The following DOCK1 variants were observed in gnomAD, a reference collection of about 807,000 sequenced individuals.
The protein encoded by DOCK1 is dedicator of cytokinesis protein 1.
Under a neutral mutation model 262.7 loss-of-function variants are expected in DOCK1, and 138 were observed. The ratio of observed to expected loss-of-function variants is 0.53; its 90% CI spans 0.46 to 0.61. The LOEUF (loss-of-function observed/expected upper bound fraction) is 0.61, where lower values mean the gene tolerates loss of function less well. Ranked by LOEUF, DOCK1 falls within the 20% of genes least tolerant of loss-of-function variation. The probability of loss-of-function intolerance (pLI) is 0.00; values close to 1 mark genes in which losing one functional copy is unlikely to be tolerated. For synonymous variants in DOCK1, 866 were observed against 867.4 expected, an observed-to-expected ratio of 1.00 and a Z score of 0.03; for missense variants, 1,908 against 2,370.7, an observed-to-expected ratio of 0.80 and a Z score of 4.05.
intron 1 of DOCK1, among the ~76,000 whole-genome samples, chr10:126,933,955 C>G (rs1209599853): frequency 1.4e-4 from 22 of 152,106 alleles, no homozygotes; most frequent in Non-Finnish European, 2.6e-4. Context: ...ACTGGGATCA[C>G]AGTCACCCAC....
At chr10:126,988,667 T>C (rs190728035) in intron 5 of DOCK1, among the ~76,000 whole-genome samples, 1 of 152,236 alleles carries the variant, frequency 6.6e-6, no homozygotes, top group East Asian at 1.9e-4. Context: ...AACCCTAGAG[T>C]AGGTATTCTT....
At chr10:126,905,636 TG>T (rs1034920377) in intron 1 of DOCK1, 73 bp downstream of exon 1, 10 of 242,162 alleles carry the variant, frequency 4.1e-5, no homozygotes, top group African/African-American at 7.0e-5. Context: ...GCCGGGCGCC[TG>T]TTGCCGCCGC....
intron 27 of DOCK1, among the ~76,000 whole-genome samples, chr10:127,190,207 G>A (rs1273415169): frequency 6.6e-6 from 1 of 152,118 alleles, no homozygotes; most frequent in Non-Finnish European, 1.5e-5. Flanking sequence ...CAAAGGAATC[G>A]CTGAGGTTGA....
chr10:127,090,169 T>A (rs56249335), intron 23 of DOCK1, among the ~76,000 whole-genome samples: 8,132 of 152,214 alleles, frequency 0.053, 291 homozygotes, highest in Middle Eastern at 0.085. Context: ...AAACCTTGCT[T>A]AATGAAGGCA....
chr10:127,147,168 G>T (rs146863130), intron 27 of DOCK1, among the ~76,000 whole-genome samples: 19 of 152,272 alleles, frequency 1.2e-4, no homozygotes, highest in African/African-American at 3.4e-4. Context: ...GAAGGAACTT[G>T]CCTTCTTTTG....
At chr10:127,075,909 T>C (rs1056838550) in intron 23 of DOCK1, among the ~76,000 whole-genome samples, 1 of 152,166 alleles carries the variant, frequency 6.6e-6, no homozygotes, top group African/African-American at 2.4e-5. Flanking sequence ...CTTTATACTT[T>C]TATTATTTAC....
chr10:127,216,828 T>G (rs2058236160), intron 27 of DOCK1, among the ~76,000 whole-genome samples: 1 of 152,234 alleles, frequency 6.6e-6, no homozygotes, highest in African/African-American at 2.4e-5. Flanking sequence ...ACTTGCTAGT[T>G]GAATAAAAGA....
intron 4 of DOCK1, among the ~76,000 whole-genome samples, chr10:126,986,463 G>A (rs1275427561): frequency 1.3e-5 from 2 of 152,158 alleles, no homozygotes; most frequent in East Asian, 3.9e-4. Flanking sequence ...TGTGGGGCCA[G>A]CTAGCCTAAC....
chr10:127,419,837 G>C, intron 46 of DOCK1, 88 bp downstream of exon 46: 1 of 1,396,840 alleles, frequency 7.2e-7, no homozygotes. Context: ...CCAGCATGGA[G>C]GTCCCTGGGC....
chr10:127,049,810 T>A (rs920626687), intron 21 of DOCK1, among the ~76,000 whole-genome samples: 1 of 152,076 alleles, frequency 6.6e-6, no homozygotes, highest in Non-Finnish European at 1.5e-5. Flanking sequence ...ATTTCAAGAT[T>A]TATTATTAAA....
In DOCK1 at chr10:127,446,264, G is replaced by GAA. The variant is rs34290357; in HGVS notation, c.5414-1120_5414-1119dup. Among the ~76,000 whole-genome samples the GAA allele has an allele frequency of 5.6e-5, 8 of 142,898 alleles. 1 individual carries two copies. In the South Asian group the frequency reaches 6.6e-4, roughly 12 times the overall value. 93.7% of individuals were successfully genotyped at this position (142,898 alleles called of 152,430 possible). On this transcript the variant is annotated intron_variant, in intron 50 of 51. Transcript: ENST00000623213. The surrounding 1 kb of genome is among the most constrained non-coding windows in gnomAD (Gnocchi z 4.4). ...GACTCCATCCCAAACAAAAAGAAAAGAAAAAAAAAAAGAAAGTAGAATAGA... is the reference window on the plus strand; with the variant it reads ...GACTCCATCCCAAACAAAAAGAAAAGAAAAAAAAAAAAAGAAAGTAGAATAGA...
chr10:127,315,316 G>A (rs569383180), intron 29 of DOCK1, among the ~76,000 whole-genome samples: 343 of 152,276 alleles, frequency 2.3e-3, no homozygotes, highest in Non-Finnish European at 3.2e-3. Context: ...GAATGTGACT[G>A]TATTTGCAGA....
In DOCK1 at chr10:127,052,706, T is replaced by C; in HGVS notation, c.2227T>C (p.Tyr743His). The C allele has an allele frequency of 1.2e-6, 2 of 1,613,974 alleles. No homozygotes were observed. The highest frequency in any genetic ancestry group is 8.5e-7 in the Non-Finnish European group (1 of 1,179,886). ...GAAGTTGACAAAAGTGTTGAAGAAC[T>C]ACGTGGACGGTGCTGAGAAGCCGGG... ...YTKLTKVLKNYVDGAEKPGVN... is the reference protein window; with the variant it reads ...YTKLTKVLKNHVDGAEKPGVN... The change falls in exon 22 of 52, where the codon TAC becomes CAC. Residue 743 changes from tyrosine to histidine, a missense_variant. This residue lies in a region of DOCK1 where 518 missense variants were observed against 575.1 expected (regional missense o/e 0.90). Transcript: ENST00000623213.
At chr10:127,414,824 G>A (rs11017973) in intron 43 of DOCK1, among the ~76,000 whole-genome samples, 7,072 of 152,286 alleles carry the variant, frequency 0.046, 173 homozygotes, top group Non-Finnish European at 0.068. Context: ...AAATCTGTTT[G>A]CTCAAGAGGG....
At chr10:127,337,858 G>T (rs2063268629) in intron 29 of DOCK1, among the ~76,000 whole-genome samples, 1 of 152,256 alleles carries the variant, frequency 6.6e-6, no homozygotes. Context: ...GCGGCACGCA[G>T]TGTGAGCGTG....
rs369257536 is a variant in DOCK1, at chr10:127,349,087, C to G, written c.3224+5341C>G. On this transcript the variant is annotated intron_variant, in intron 31 of 51. Transcript: ENST00000623213. ...GGTGTTGTTTTTGATGTCCCACCCC[C>G]TCTCACCTCTTTAGGAACCCACCAG... Among the ~76,000 whole-genome samples, 95 of 152,226 alleles carry G rather than the reference C, an allele frequency of 6.2e-4. 1 individual carries two copies. In the South Asian group the frequency reaches 0.019, roughly 30 times the overall value.
chr10:127,258,044 A>G (rs1012365081), intron 29 of DOCK1, among the ~76,000 whole-genome samples: 1 of 152,086 alleles, frequency 6.6e-6, no homozygotes, highest in African/African-American at 2.4e-5. Context: ...ATTTTTATGG[A>G]GATAATTGTG....
intron 1 of DOCK1, among the ~76,000 whole-genome samples, chr10:126,942,129 A>G (rs1370944368): frequency 2.6e-5 from 4 of 151,796 alleles, no homozygotes; most frequent in African/African-American, 9.7e-5. Context: ...GTTTCACACC[A>G]TTCTCCTGCC....
intron 1 of DOCK1, among the ~76,000 whole-genome samples, chr10:126,925,689 AAC>A (rs1170154248): frequency 6.7e-6 from 1 of 150,128 alleles, no homozygotes; most frequent in East Asian, 2.0e-4. Context: ...GCCTTATGTG[AAC>A]ATGTCTAAAC....
Sources: gnomAD v4.1 joint callset for allele counts (sites outside exome capture counted in the v4.1 genomes callset) on GRCh38, gnomAD v4.1.1 for gene constraint, gnomAD v4.1.1 regional missense constraint, Gnocchi (gnomAD v3.1) non-coding constraint, MANE v1.5 for transcripts, NCBI Gene and HGNC (gene_info 2026-07-23, HGNC 2026-07-21) for gene names.